Variants in ITIH1 observed in about 807,000 individuals in gnomAD.
ITIH1 encodes inter-alpha-trypsin inhibitor heavy chain H1.
ITIH1 carries 94 observed loss-of-function variants against 104.6 expected under a neutral mutation model. The observed-to-expected ratio is 0.90, with a 90% CI of 0.76 to 1.07. The LOEUF (loss-of-function observed/expected upper bound fraction) is 1.07. ITIH1 is among the 50% of genes least tolerant of loss of function. The pLI, the probability that ITIH1 is intolerant of heterozygous loss-of-function variation, is 0.00. For missense variants in ITIH1, 1,193 were observed against 1,181.4 expected, an observed-to-expected ratio of 1.01 and a Z score of -0.14; for synonymous variants, 455 against 464.4, an observed-to-expected ratio of 0.98 and a Z score of 0.26.
chr3:52,785,296 TC>T, intron 12 of ITIH1, 67 bp downstream of exon 12: 1 of 1,500,444 alleles, frequency 6.7e-7, no homozygotes, highest in Non-Finnish European at 9.2e-7. Flanking sequence ...CCCACACTGT[TC>T]CCCATTCCTG....
At chr3:52,787,494 C>A in intron 15 of ITIH1, 98 bp from the exon 16 acceptor site, 1 of 1,444,904 alleles carries the variant, frequency 6.9e-7, no homozygotes, top group Non-Finnish European at 9.7e-7. Context: ...CCCAGAGGGA[C>A]GGCTGGGCCC....
At chr3:52,782,372 T>G in intron 8 of ITIH1, 105 bp downstream of exon 8, 1 of 848,228 alleles carries the variant, frequency 1.2e-6, no homozygotes, top group South Asian at 1.5e-5. Flanking sequence ...TTTATCCTCC[T>G]GGTCAGAGGC....
intron 5 of ITIH1, 136 bp from the exon 6 acceptor site, chr3:52,780,133 T>C (rs1698996811): frequency 1.1e-6 from 1 of 922,372 alleles, no homozygotes. Flanking sequence ...TTCAGTGTGG[T>C]GTGAGCCTAT....
chr3:52,783,153 G>A, intron 9 of ITIH1, 28 bp downstream of exon 9: 1 of 1,614,050 alleles, frequency 6.2e-7, no homozygotes, highest in Non-Finnish European at 8.5e-7. Context: ...AGGCAACCTT[G>A]ATGTCACCTC....
At chr3:52,789,905 C>T in intron 19 of ITIH1, 51 bp downstream of exon 19, 1 of 1,575,512 alleles carries the variant, frequency 6.3e-7, no homozygotes, top group South Asian at 1.1e-5. Flanking sequence ...GGCCTGGGCC[C>T]AGGACTCTGC....
intron 19 of ITIH1, 153 bp downstream of exon 19, chr3:52,790,007 C>A: frequency 1.4e-6 from 1 of 703,136 alleles, no homozygotes; most frequent in Non-Finnish European, 2.4e-6. Context: ...CCCACCCAGC[C>A]CTCCATTTCC....
In ITIH1 at chr3:52,782,131, C is replaced by G; in HGVS notation, c.814-20C>G. 1 of 1,614,146 alleles carries G rather than the reference C, an allele frequency of 6.2e-7. No homozygotes were observed. Among genetic ancestry groups the G allele is most frequent in the South Asian group, 1.1e-5 (1 of 91,076 alleles). ...AAGGGGTGCTGTGAGAGTGGCCTCA[C>G]TCGTTCTCCTCTATTTCAGGTGGCC... is the stretch of plus-strand genomic sequence containing the variant. On this transcript the variant is annotated intron_variant, in intron 7 of 21. Coordinates refer to ENST00000273283, the MANE Select transcript of ITIH1 (RefSeq NM_002215.4).
At chr3:52,781,223 C>A (rs1252029888) in intron 6 of ITIH1, among the ~76,000 whole-genome samples, 1 of 53,300 alleles carries the variant, frequency 1.9e-5, no homozygotes, top group African/African-American at 6.9e-5. Flanking sequence ...TCTTCTTCTT[C>A]TTCTTCTTCT....
At position 52,792,008 on chromosome 3, in the gene ITIH1, C is replaced by G; in HGVS notation, c.*97C>G. ...CTGAGGCTGTACCTCCTTGACTAAG[C>G]TGGTTCCTTGTGTCAAAGCACCTCA... On this transcript the variant is annotated 3_prime_UTR_variant, in exon 22 of 22. Coordinates refer to ENST00000273283, the MANE Select transcript of ITIH1 (RefSeq NM_002215.4). 3.6e-6 allele frequency: 5 copies of G among 1,375,398 alleles called. No homozygotes were observed. The highest frequency in any genetic ancestry group is 4.0e-6 in the Non-Finnish European group (4 of 1,007,988). 85.2% of individuals were successfully genotyped at this position (1,375,398 alleles called of 1,614,324 possible).
At chr3:52,786,535 C>A in intron 13 of ITIH1, 101 bp downstream of exon 13, 2 of 1,154,196 alleles carry the variant, frequency 1.7e-6, no homozygotes, top group Non-Finnish European at 2.4e-6. Flanking sequence ...GCAAGTAGGT[C>A]AGATTTACTT....
chr3:52,778,620 G>A lies in ITIH1; in HGVS notation c.305+114G>A, dbSNP rs998788068. 3 of 1,531,474 alleles carry A rather than the reference G, an allele frequency of 2.0e-6. No individual in the cohort carries two copies. In the East Asian group the frequency reaches 7.0e-5, roughly 36 times the overall value. The allele number at this position is 1,531,474 out of a possible 1,614,324, so 94.9% of individuals were successfully genotyped here. On this transcript the variant is annotated intron_variant, in intron 3 of 21. Coordinates refer to ENST00000273283, the MANE Select transcript of ITIH1 (RefSeq NM_002215.4). Reference sequence around the variant, plus strand: ...CGCAGAGCATCTCCTCATTCTAGAAGGGCCACAGACCAGCCCTGGCTTTGA... The same window carrying A: ...CGCAGAGCATCTCCTCATTCTAGAAAGGCCACAGACCAGCCCTGGCTTTGA...
intron 18 of ITIH1, 134 bp downstream of exon 18, chr3:52,788,479 C>G (rs201665118): frequency 4.9e-5 from 32 of 651,720 alleles, no homozygotes; most frequent in East Asian, 3.3e-4. Flanking sequence ...GGGCTCTGCC[C>G]GCTGCCTTCC....
At position 52,783,115 on chromosome 3, in the gene ITIH1, C is replaced by T; in HGVS notation, c.1089C>T (p.Ser363=). The T allele has an allele frequency of 6.2e-7, 1 of 1,613,968 alleles. No homozygotes were observed. The highest frequency in any genetic ancestry group is 2.2e-5 in the East Asian group (1 of 44,878). ...QAAQDFVRGF[S]LDEATNLNGG... ...CTCAAGACTTTGTGCGGGGCTTTTCCCTGGATGAGGGTAAGGGTGGGGGTC... is the reference window on the plus strand; with the variant it reads ...CTCAAGACTTTGTGCGGGGCTTTTCTCTGGATGAGGGTAAGGGTGGGGGTC... The change falls in exon 9 of 22, where the codon TCC becomes TCT. Residue 363 remains serine (S), a synonymous_variant. Coordinates refer to ENST00000273283, the MANE Select transcript of ITIH1 (RefSeq NM_002215.4).
rs2286799 is a variant in ITIH1 at position 52,787,136 on chromosome 3, T to C, written c.1888+37T>C. 7,548 of 1,614,188 alleles carry C rather than the reference T, an allele frequency of 4.7e-3. 441 individuals carry two copies. In the East Asian group the frequency reaches 0.13, roughly 29 times the overall value. On this transcript the variant is annotated intron_variant, in intron 14 of 21. Coordinates refer to ENST00000273283, the MANE Select transcript of ITIH1 (RefSeq NM_002215.4). ...AGGGGTCTACAGAAGGGAGAGGCCA[T>C]GGGCCAAAAACCTCTGGGGCTCTAA...
chr3:52,791,034 C>G lies in ITIH1; in HGVS notation c.2494+113C>G, dbSNP rs1699343187. On this transcript the variant is annotated intron_variant, in intron 20 of 21. Coordinates refer to ENST00000273283, the MANE Select transcript of ITIH1 (RefSeq NM_002215.4). ...GCTGGGCACCAGGACAGGCCCACCT[C>G]CAGTGTGGCCTCCAAGGAGCAGAGC... The G allele has an allele frequency of 2.8e-6, 3 of 1,077,272 alleles. No homozygotes were observed. In the East Asian group the frequency reaches 7.7e-5, roughly 27 times the overall value. 66.7% of individuals were successfully genotyped at this position (1,077,272 alleles called of 1,614,324 possible). A position where few individuals can be genotyped will look rare whatever the true frequency, so the allele number is the denominator to read the frequency against.
intron 2 of ITIH1, 149 bp from the exon 3 acceptor site, chr3:52,778,191 A>T: frequency 9.1e-7 from 1 of 1,093,766 alleles, no homozygotes. Flanking sequence ...GCACGGTCTC[A>T]GCCAGAGAGC....
At chr3:52,781,273 T>C (rs1295335126) in intron 6 of ITIH1, among the ~76,000 whole-genome samples, 65 of 116,960 alleles carry the variant, frequency 5.6e-4, no homozygotes, top group Middle Eastern at 5.0e-3. Context: ...TTCTTCTTCT[T>C]CTTCTTCTTC....
chr3:52,791,512 T>C lies in ITIH1; in HGVS notation c.2495-5T>C, dbSNP rs1075653. 0.36 allele frequency: 578,462 copies of C among 1,610,878 alleles called. 107,460 individuals are homozygous for C. Among genetic ancestry groups the C allele is most frequent in the Admixed American group, 0.51 (30,565 of 59,958 alleles). On this transcript the variant is annotated splice_region_variant and splice_polypyrimidine_tract_variant and intron_variant, in intron 20 of 21. Coordinates refer to ENST00000273283, the MANE Select transcript of ITIH1 (RefSeq NM_002215.4). The stretch of plus-strand genomic sequence containing the variant: ...GTAACCGCTGTCTCCAATGTGCCTT[T>C]CTAGGGCAATTTTTCCACCCCATCG...
Position 52,781,197 on chromosome 3 carries a change from C to CT in ITIH1, c.688-730dup, listed in dbSNP as rs10526848. Among the ~76,000 whole-genome samples, 59 of 69,276 alleles carry CT rather than the reference C, an allele frequency of 8.5e-4. 2 individuals are homozygous for CT. Among genetic ancestry groups the CT allele is most frequent in the African/African-American group, 2.4e-3 (40 of 16,870 alleles). The allele number at this position is 69,276 out of a possible 152,430, so 45.4% of individuals were successfully genotyped here. On this transcript the variant is annotated intron_variant, in intron 6 of 21. Transcript: ENST00000273283. ...TCCTCCTCCTTCACCTCCTCCTCTT[C>CT]TTTTTTTTTTTTTCTTCTTCTTCTT...
Sources: gnomAD v4.1 joint callset for allele counts (sites outside exome capture counted in the v4.1 genomes callset) on GRCh38, gnomAD v4.1.1 for gene constraint, MANE v1.5 for transcripts, NCBI Gene and HGNC (gene_info 2026-07-23, HGNC 2026-07-21) for gene names.